SF3B6: variants seen among roughly 807,000 people sequenced by gnomAD.
SF3B6 encodes the protein splicing factor 3b subunit 6.
In SF3B6, 3 loss-of-function variants were observed where a neutral mutation model predicts 15.9. The ratio of observed to expected loss-of-function variants is 0.19; its 90% CI spans 0.09 to 0.49. The LOEUF (loss-of-function observed/expected upper bound fraction) is 0.49. Among genes scored for constraint, SF3B6 ranks in the 20% least tolerant of loss-of-function variants. The pLI is 0.97. For synonymous variants in SF3B6, 49 were observed against 51.1 expected (o/e 0.96, Z 0.18); for missense variants, 71 against 154.3 (o/e 0.46, Z 2.86).
At chr2:24,068,184 C>T (rs1158318318) in intron 3 of SF3B6, 137 bp downstream of exon 3, 7 of 801,700 alleles carry the variant, frequency 8.7e-6, no homozygotes, top group South Asian at 3.6e-5. Flanking sequence ...AGGATGGTCT[C>T]GATCTCCTGA....
intron 1 of SF3B6, among the ~76,000 whole-genome samples, chr2:24,075,224 C>T (rs971636763): frequency 6.6e-6 from 1 of 152,136 alleles, no homozygotes; most frequent in Admixed American, 6.6e-5. Flanking sequence ...TTCTCAACTT[C>T]CACCATCTTT....
intron 2 of SF3B6, among the ~76,000 whole-genome samples, chr2:24,073,313 C>A (rs1664685051): frequency 6.6e-6 from 1 of 152,144 alleles, no homozygotes. Context: ...AAGTCACTAG[C>A]CCTTTCATAT....
chr2:24,072,187 ATTTGG>A (rs948654295), intron 2 of SF3B6, among the ~76,000 whole-genome samples: 1 of 151,808 alleles, frequency 6.6e-6, no homozygotes, highest in Non-Finnish European at 1.5e-5. Context: ...GGGTTTCACC[ATTTGG>A]CCAGGGTGGT....
At chr2:24,071,623 A>G (rs1664652521) in intron 2 of SF3B6, among the ~76,000 whole-genome samples, 1 of 152,190 alleles carries the variant, frequency 6.6e-6, no homozygotes, top group Non-Finnish European at 1.5e-5. Flanking sequence ...GAAATGTTTC[A>G]TACAAGAAGT....
intron 2 of SF3B6, among the ~76,000 whole-genome samples, chr2:24,069,576 G>A (rs964940440): frequency 1.3e-5 from 2 of 152,152 alleles, no homozygotes; most frequent in African/African-American, 4.8e-5. Flanking sequence ...TTAAGACTGT[G>A]GGCTGACTCT....
At chr2:24,074,416 T>C (rs964017988) in intron 1 of SF3B6, among the ~76,000 whole-genome samples, 9 of 152,110 alleles carry the variant, frequency 5.9e-5, no homozygotes, top group Non-Finnish European at 1.2e-4. Flanking sequence ...CCCAGCACTT[T>C]GGGAGGCAAA....
chr2:24,076,114 A>T, intron 1 of SF3B6, 86 bp downstream of exon 1: 2 of 1,526,312 alleles, frequency 1.3e-6, no homozygotes, highest in Non-Finnish European at 9.1e-7. Context: ...CTGGGGACGG[A>T]GGAGGAGCAA....
intron 1 of SF3B6, among the ~76,000 whole-genome samples, chr2:24,075,688 G>C (rs902413815): frequency 6.6e-6 from 1 of 151,702 alleles, no homozygotes; most frequent in African/African-American, 2.4e-5. Flanking sequence ...TAAGACTAGT[G>C]TCTGGCACAT....
At chr2:24,074,327 G>A (rs897638098) in intron 1 of SF3B6, 133 bp from the exon 2 acceptor site, 7 of 566,420 alleles carry the variant, frequency 1.2e-5, no homozygotes, top group Non-Finnish European at 2.2e-5. Flanking sequence ...AGAATAAGAG[G>A]TATAATTTGA....
chr2:24,071,837 C>T (rs1664655255), intron 2 of SF3B6, among the ~76,000 whole-genome samples: 1 of 152,104 alleles, frequency 6.6e-6, no homozygotes, highest in South Asian at 2.1e-4. Flanking sequence ...TGAAGATGCC[C>T]CTGCTTTATT....
At position 24,072,475 on chromosome 2, in the gene SF3B6, G is replaced by T. The variant is rs150255505; in HGVS notation, c.149+1601C>A. 4.6e-3 allele frequency among the ~76,000 whole-genome samples: 696 copies of T among 152,250 alleles called. 8 individuals are homozygous for T. The highest frequency in any genetic ancestry group is 0.015 in the African/African-American group (604 of 41,554). On this transcript the variant is annotated intron_variant, in intron 2 of 3. Transcript: ENST00000233468. ...ATGTGTTAACCTAGGAGAGACACAT[G>T]GAAATGCTATGGGAGCAGAAGAGTG...
chr2:24,070,015 CTT>C (rs1664629439), intron 2 of SF3B6, among the ~76,000 whole-genome samples: 1 of 152,184 alleles, frequency 6.6e-6, no homozygotes, highest in East Asian at 1.9e-4. Context: ...CTCACACACA[CTT>C]TGTTCAGGAA....
intron 3 of SF3B6, 123 bp downstream of exon 3, chr2:24,068,198 C>T (rs1266621654): frequency 1.1e-5 from 10 of 911,514 alleles, no homozygotes; most frequent in Non-Finnish European, 1.6e-5. Flanking sequence ...CTCCTGACCT[C>T]GTGATCCGCC....
chr2:24,074,826 C>A (rs1305699480), intron 1 of SF3B6, among the ~76,000 whole-genome samples: 3 of 152,130 alleles, frequency 2.0e-5, no homozygotes, highest in African/African-American at 7.2e-5. Flanking sequence ...TATCACACAT[C>A]TTTTAAAAAG....
chr2:24,069,387 T>G (rs1340681307), intron 2 of SF3B6, among the ~76,000 whole-genome samples: 1 of 152,214 alleles, frequency 6.6e-6, no homozygotes, highest in Non-Finnish European at 1.5e-5. Flanking sequence ...CAACTTCCTC[T>G]GGGAGAGGTA....
Position 24,074,145 on chromosome 2 carries a change from G to A in SF3B6, c.80C>T (p.Pro27Leu). The change falls in exon 2 of 4, where the codon CCA (proline) becomes CTA (leucine). Residue 27 changes from proline to leucine, a missense_variant. Coordinates refer to ENST00000233468, the MANE Select transcript of SF3B6 (RefSeq NM_016047.4). ...CATTTCTTCAGCTGTGATTTTGTAT[G>A]GCAAATTTCTTATATACAATATCCG... The part of the protein sequence containing the change: ...VNRILYIRNL[P>L]YKITAEEMYD... The A allele has an allele frequency of 6.2e-7, 1 of 1,609,248 alleles. No individual in the cohort carries two copies. The highest frequency in any genetic ancestry group is 8.5e-7 in the Non-Finnish European group (1 of 1,176,534).
chr2:24,076,007 G>A (rs1411742773), intron 1 of SF3B6, among the ~76,000 whole-genome samples, 193 bp downstream of exon 1: 1 of 152,138 alleles, frequency 6.6e-6, no homozygotes, highest in Non-Finnish European at 1.5e-5. Flanking sequence ...ACTCTCAAAA[G>A]GGGTGGGGAC....
rs570246197 is a variant in SF3B6 at position 24,073,264 on chromosome 2, T to A, written c.149+812A>T. On this transcript the variant is annotated intron_variant, in intron 2 of 3. Transcript: ENST00000233468. ...TACTGTGGTAAAATAATAATTTTTT[T>A]AAAATAAAAACTTTAGAAATCCTTT... 1.3e-3 allele frequency among the ~76,000 whole-genome samples: 205 copies of A among 152,314 alleles called. 1 individual carries two copies. Among genetic ancestry groups the A allele is most frequent in the African/African-American group, 4.8e-3 (201 of 41,570 alleles).
chr2:24,069,284 G>A (rs1664613523), intron 2 of SF3B6, among the ~76,000 whole-genome samples: 1 of 152,216 alleles, frequency 6.6e-6, no homozygotes, highest in African/African-American at 2.4e-5. Context: ...GCAGAATGCT[G>A]GAAGGTGGCT....
Sources: gnomAD v4.1 joint callset for allele counts (sites outside exome capture counted in the v4.1 genomes callset) on GRCh38, gnomAD v4.1.1 for gene constraint, MANE v1.5 for transcripts, NCBI Gene and HGNC (gene_info 2026-07-23, HGNC 2026-07-21) for gene names.